SUGCT: variants seen among roughly 807,000 people sequenced by gnomAD.
The protein encoded by SUGCT is succinyl-CoA:glutarate-CoA transferase, also known as succinyl-CoA:glutarate CoA-transferase.
In SUGCT, 41 loss-of-function variants were observed where a neutral mutation model predicts 55.0. That is an observed-to-expected ratio of 0.74 (90% CI 0.58 to 0.97). The LOEUF (loss-of-function observed/expected upper bound fraction) is 0.97, where lower values mean the gene tolerates loss of function less well. SUGCT is among the 50% of genes least tolerant of loss of function. SUGCT has a pLI of 0.00. For missense variants in SUGCT, 568 were observed against 547.8 expected (o/e 1.04, Z -0.37); for synonymous variants, 187 against 200.4 (o/e 0.93, Z 0.56).
chr7:40,451,705 A>T (rs1414795200), intron 10 of SUGCT, among the ~76,000 whole-genome samples: 1 of 152,202 alleles, frequency 6.6e-6, no homozygotes, highest in Non-Finnish European at 1.5e-5. Flanking sequence ...ACTTTTTCAA[A>T]TCTTTGTAAT....
chr7:40,307,573 G>T (rs1261800910), intron 8 of SUGCT, among the ~76,000 whole-genome samples: 5 of 151,988 alleles, frequency 3.3e-5, no homozygotes, highest in Non-Finnish European at 7.4e-5. Flanking sequence ...TCTAAAATGG[G>T]GTCATCATAG....
intron 12 of SUGCT, among the ~76,000 whole-genome samples, chr7:40,678,273 T>C (rs1375700691): frequency 1.3e-5 from 2 of 152,276 alleles, no homozygotes; most frequent in East Asian, 3.9e-4. Context: ...AAGGTGCTGC[T>C]CCTATTTTAT....
chr7:40,657,808 A>C (rs1382227376), intron 12 of SUGCT, among the ~76,000 whole-genome samples: 1 of 152,226 alleles, frequency 6.6e-6, no homozygotes, highest in Non-Finnish European at 1.5e-5. Flanking sequence ...TGCTGGAATT[A>C]CAGGCCTGAG....
the SUGCT span, among the ~76,000 whole-genome samples, chr7:41,035,163 C>T: frequency 6.6e-6 from 1 of 152,224 alleles, no homozygotes; most frequent in African/African-American, 2.4e-5. Flanking sequence ...GCCTGGGCCT[C>T]TTATAGCTAC....
intron 12 of SUGCT, among the ~76,000 whole-genome samples, chr7:40,544,487 G>C (rs1362633415): frequency 1.3e-5 from 2 of 152,166 alleles, no homozygotes; most frequent in Non-Finnish European, 2.9e-5. Context: ...AGCTGACGGT[G>C]GTGACAAGTT....
intron 9 of SUGCT, among the ~76,000 whole-genome samples, chr7:40,397,897 C>T (rs932594661): frequency 6.6e-6 from 1 of 152,128 alleles, no homozygotes; most frequent in East Asian, 1.9e-4. Context: ...CCTGCACTCA[C>T]TGATGGCTGC....
the SUGCT span, among the ~76,000 whole-genome samples, chr7:41,001,528 G>A: frequency 4.9e-3 from 749 of 152,300 alleles, 4 homozygotes; most frequent in African/African-American, 0.017. Flanking sequence ...ACCATAGATG[G>A]TGGCTTATAA....
At chr7:40,626,629 C>T (rs1486913972) in intron 12 of SUGCT, among the ~76,000 whole-genome samples, 1 of 152,098 alleles carries the variant, frequency 6.6e-6, no homozygotes, top group African/African-American at 2.4e-5. Context: ...CTGCAGGATT[C>T]AGGAAAGAAT....
intron 12 of SUGCT, among the ~76,000 whole-genome samples, chr7:40,582,812 A>G (rs1017517488): frequency 6.6e-6 from 1 of 152,194 alleles, no homozygotes; most frequent in African/African-American, 2.4e-5. Flanking sequence ...GTCACAGAGC[A>G]CATAGTCAGT....
chr7:40,941,956 C>G, the SUGCT span, among the ~76,000 whole-genome samples: 1 of 151,874 alleles, frequency 6.6e-6, no homozygotes, highest in Non-Finnish European at 1.5e-5. Flanking sequence ...CTATAAGAGT[C>G]TTTATGTGTT....
intron 12 of SUGCT, among the ~76,000 whole-genome samples, chr7:40,532,401 G>A (rs1425694023): frequency 6.6e-6 from 1 of 152,146 alleles, no homozygotes; most frequent in African/African-American, 2.4e-5. Context: ...ATAAGCATTA[G>A]ATAGGTATCT....
chr7:40,480,011 T>G (rs1790935186), intron 11 of SUGCT, among the ~76,000 whole-genome samples: 1 of 152,148 alleles, frequency 6.6e-6, no homozygotes, highest in Non-Finnish European at 1.5e-5. Flanking sequence ...GTACAGAGAC[T>G]TTTTAGTTTG....
intron 12 of SUGCT, among the ~76,000 whole-genome samples, chr7:40,616,720 C>G (rs1301830099): frequency 6.6e-6 from 1 of 152,168 alleles, no homozygotes; most frequent in African/African-American, 2.4e-5. Context: ...GTCCTTCACT[C>G]AGGGAGAAGT....
At chr7:40,344,090 C>G (rs1190754995) in intron 9 of SUGCT, among the ~76,000 whole-genome samples, 4 of 152,176 alleles carry the variant, frequency 2.6e-5, no homozygotes, top group Admixed American at 6.5e-5. Context: ...GAGGTACATG[C>G]TGGGTTCCAT....
intron 12 of SUGCT, among the ~76,000 whole-genome samples, chr7:40,657,244 TA>T (rs1163891032): frequency 1.3e-5 from 2 of 152,160 alleles, no homozygotes; most frequent in Non-Finnish European, 2.9e-5. Context: ...ATGTATCTAT[TA>T]TGCTTCTTTT....
At chr7:40,149,042 T>G (rs1423972347) in intron 1 of SUGCT, among the ~76,000 whole-genome samples, 1 of 152,070 alleles carries the variant, frequency 6.6e-6, no homozygotes, top group Non-Finnish European at 1.5e-5. Context: ...GAAGAGATGG[T>G]AGGGGTGGGG....
intron 12 of SUGCT, among the ~76,000 whole-genome samples, chr7:40,636,541 T>G (rs1395173586): frequency 6.6e-6 from 1 of 152,178 alleles, no homozygotes; most frequent in African/African-American, 2.4e-5. Flanking sequence ...TTTCAGACAT[T>G]AAAAGCACTG....
Position 40,515,938 on chromosome 7 carries a change from T to C in SUGCT, c.1089+19552T>C, listed in dbSNP as rs113539962. Among the ~76,000 whole-genome samples the C allele has an allele frequency of 1.7e-3, 256 of 152,376 alleles. 1 individual carries two copies. The highest frequency in any genetic ancestry group is 3.1e-3 in the Admixed American group (47 of 15,308). ...CGCCATTTTCCAAATCCACCAGCAA[T>C]GTGTGAGGCTTTGAATTTCTTCATA... On this transcript the variant is annotated intron_variant, in intron 12 of 13. Coordinates refer to ENST00000335693, the MANE Select transcript of SUGCT (RefSeq NM_001193313.2).
At chr7:40,302,866 A>G (rs1052281642) in intron 8 of SUGCT, among the ~76,000 whole-genome samples, 1 of 151,800 alleles carries the variant, frequency 6.6e-6, no homozygotes, top group Non-Finnish European at 1.5e-5. Context: ...ACCACTAAGT[A>G]TTCATGACTG....
Sources: allele counts gnomAD v4.1 joint callset (sites outside exome capture counted in the v4.1 genomes callset), GRCh38; gene constraint gnomAD v4.1.1; transcripts MANE v1.5; gene names NCBI Gene and HGNC (gene_info 2026-07-23, HGNC 2026-07-21).